ATM: variants seen among roughly 807,000 people sequenced by gnomAD.
ATM encodes serine-protein kinase ATM.
ATM carries 308 observed loss-of-function variants against 387.0 expected under a neutral mutation model. The ratio of observed to expected loss-of-function variants is 0.80; its 90% CI spans 0.73 to 0.87. The LOEUF (loss-of-function observed/expected upper bound fraction) is 0.87. Ranked by LOEUF, ATM falls within the 40% of genes least tolerant of loss-of-function variation. The pLI, the probability that ATM is intolerant of heterozygous loss-of-function variation, is 0.00. For synonymous variants in ATM, 1,156 were observed against 1,187.3 expected, an observed-to-expected ratio of 0.97 and a Z score of 0.54; for missense variants, 3,312 against 3,560.9, an observed-to-expected ratio of 0.93 and a Z score of 1.78.
intron 16 of ATM, among the ~76,000 whole-genome samples, chr11:108,263,107 A>G (rs1045617970): frequency 2.6e-5 from 4 of 151,428 alleles, no homozygotes; most frequent in Non-Finnish European, 4.4e-5. Flanking sequence ...ATACCCAGGA[A>G]TTGAACTCAG....
intron 15 of ATM, 67 bp downstream of exon 15, chr11:108,257,673 G>A (rs1345376755): frequency 6.7e-7 from 1 of 1,492,520 alleles, no homozygotes; most frequent in Non-Finnish European, 9.2e-7. Context: ...AGGCTGGAGT[G>A]CAGTGGGATT....
chr11:108,319,426 A>G (rs1365814354), intron 43 of ATM, among the ~76,000 whole-genome samples: 1 of 152,062 alleles, frequency 6.6e-6, no homozygotes, highest in African/African-American at 2.4e-5. Flanking sequence ...CTTTTCCCCC[A>G]GTTACCATGC....
At chr11:108,261,597 C>G (rs2080892640) in intron 16 of ATM, among the ~76,000 whole-genome samples, 1 of 152,158 alleles carries the variant, frequency 6.6e-6, no homozygotes, top group Non-Finnish European at 1.5e-5. Context: ...CAAAGGAACG[C>G]AGTTCCTCAC....
intron 17 of ATM, 38 bp downstream of exon 17, chr11:108,267,380 C>G (rs2135510502): frequency 1.9e-6 from 3 of 1,596,004 alleles, no homozygotes; most frequent in African/African-American, 1.3e-5. Context: ...TCTTTTACTT[C>G]TTTATATTGA....
chr11:108,355,948 A>G (rs998083675), intron 61 of ATM: 4 of 152,212 alleles, frequency 2.6e-5, no homozygotes, highest in African/African-American at 9.6e-5. Context: ...GGTAATACAG[A>G]TTTTGCTACA....
chr11:108,233,591 GTC>G (rs1256843035), intron 4 of ATM, among the ~76,000 whole-genome samples: 1 of 125,346 alleles, frequency 8.0e-6, no homozygotes, highest in Non-Finnish European at 1.6e-5. Context: ...AAAAAAAAAA[GTC>G]TCTGCAGGCA....
Position 108,285,050 on chromosome 11 carries a change from C to A in ATM, c.3993+577C>A, listed in dbSNP as rs4987997. ...TCTCAGTTCACTGAAGCCTCTGTCT[C>A]CTGGGTTCAAGCAATTCTCCTGCCT... On this transcript the variant is annotated intron_variant, in intron 26 of 62. Coordinates refer to ENST00000675843, the MANE Select transcript of ATM (RefSeq NM_000051.4). Among the ~76,000 whole-genome samples, 393 of 152,244 alleles carry A rather than the reference C, an allele frequency of 2.6e-3. 2 individuals carry two copies. The highest frequency in any genetic ancestry group is 9.1e-3 in the African/African-American group (380 of 41,542).
rs1565346853 is a variant in ATM, at chr11:108,229,219, G to C, written c.227G>C (p.Arg76Thr). The C allele has an allele frequency of 6.2e-7, 1 of 1,613,452 alleles. No individual in the cohort carries two copies. The highest frequency in any genetic ancestry group is 8.5e-7 in the Non-Finnish European group (1 of 1,179,690). The change falls in exon 4 of 63, where the codon AGA becomes ACA. Residue 76 changes from arginine (R) to threonine (T), a missense_variant. By Grantham distance (71) the Arg-to-Thr change is moderately conservative (BLOSUM62 -1). Transcript: ENST00000675843. Reference protein sequence around the residue: ...KYIQKETECLRIAKPNVSAST... With the variant: ...KYIQKETECLTIAKPNVSAST... ...ATTCAGAAAGAAACAGAATGTCTGAGAATAGCAAAACCAAATGTATCAGCC... is the reference window on the plus strand; with the variant it reads ...ATTCAGAAAGAAACAGAATGTCTGACAATAGCAAAACCAAATGTATCAGCC...
At chr11:108,252,717 T>C in intron 11 of ATM, 100 bp from the exon 12 acceptor site, 1 of 833,072 alleles carries the variant, frequency 1.2e-6, no homozygotes, top group African/African-American at 1.7e-5. Context: ...ATCCAAATTT[T>C]AGAAGTCAAG....
At position 108,316,691 on chromosome 11, in the gene ATM, C is replaced by T. The variant is rs551843735; in HGVS notation, c.6198+578C>T. 2.7e-5 allele frequency among the ~76,000 whole-genome samples: 4 copies of T among 146,652 alleles called. No individual in the cohort carries two copies. In the East Asian group the frequency reaches 6.1e-4, roughly 22 times the overall value. The stretch of plus-strand genomic sequence containing the variant: ...TTGGGAGGCCGAGGCGAGCAGATCA[C>T]GAGGTCAGGAGGTCCAGACCATCCT... On this transcript the variant is annotated intron_variant, in intron 42 of 62. Transcript: ENST00000675843.
chr11:108,312,858 A>G (rs573756574), intron 40 of ATM, among the ~76,000 whole-genome samples: 1 of 152,334 alleles, frequency 6.6e-6, no homozygotes, highest in East Asian at 1.9e-4. Context: ...CAGAAGAAGC[A>G]GATTGCCTCT....
intron 43 of ATM, among the ~76,000 whole-genome samples, chr11:108,318,841 A>T (rs1406462071): frequency 2.6e-5 from 4 of 152,116 alleles, no homozygotes; most frequent in African/African-American, 9.7e-5. Context: ...AACCCTAAAA[A>T]ATTAATTATG....
chr11:108,251,184 A>G lies in ATM; in HGVS notation c.1607+112A>G, dbSNP rs528576554. On this transcript the variant is annotated intron_variant, in intron 10 of 62. Coordinates refer to ENST00000675843, the MANE Select transcript of ATM (RefSeq NM_000051.4). ...TTGTTACTTCAGTTAAAGATGTCAA[A>G]TTCTATTTCAGATGCTTTTCTTGTT... 4.0e-4 allele frequency: 589 copies of G among 1,486,222 alleles called. 2 individuals are homozygous for G. The African/African-American group carries it at 6.9e-3, about 18-fold the overall frequency. The allele number at this position is 1,486,222 out of a possible 1,614,324, so 92.1% of individuals were successfully genotyped here.
chr11:108,325,642 A>G, intron 46 of ATM, 98 bp downstream of exon 46: 1 of 1,028,242 alleles, frequency 9.7e-7, no homozygotes, highest in Non-Finnish European at 1.4e-6. Context: ...TCATTAAGAG[A>G]TAGAGATCTC....
At chr11:108,240,488 A>AT (rs1206911993) in intron 5 of ATM, among the ~76,000 whole-genome samples, 1 of 152,230 alleles carries the variant, frequency 6.6e-6, no homozygotes, top group African/African-American at 2.4e-5. Flanking sequence ...GGGTGTATTT[A>AT]TACAAACTTA....
intron 7 of ATM, among the ~76,000 whole-genome samples, chr11:108,245,328 C>G (rs761789165): frequency 1.3e-5 from 2 of 152,162 alleles, no homozygotes; most frequent in Non-Finnish European, 2.9e-5. Flanking sequence ...ACTAAGGGGT[C>G]TGACACAGAC....
At chr11:108,316,960 G>T (rs2084717568) in intron 42 of ATM, among the ~76,000 whole-genome samples, 1 of 151,748 alleles carries the variant, frequency 6.6e-6, no homozygotes, top group Admixed American at 6.6e-5. Context: ...TAGAGATAAG[G>T]TGTCACCCTG....
chr11:108,281,403 A>T (rs1565442663), intron 24 of ATM, among the ~76,000 whole-genome samples: 1 of 152,190 alleles, frequency 6.6e-6, no homozygotes, highest in Non-Finnish European at 1.5e-5. Context: ...CATTGTACTA[A>T]CAAGAGTGAA....
intron 16 of ATM, among the ~76,000 whole-genome samples, chr11:108,266,185 G>A (rs994863112): frequency 1.2e-4 from 18 of 148,152 alleles, no homozygotes; most frequent in South Asian, 8.7e-4. Flanking sequence ...ACATGCACAC[G>A]TATGTTTATT....
Sources: allele counts gnomAD v4.1 joint callset (sites outside exome capture counted in the v4.1 genomes callset), GRCh38; gene constraint gnomAD v4.1.1; transcripts MANE v1.5; gene names NCBI Gene and HGNC (gene_info 2026-07-23, HGNC 2026-07-21).